CENPP: variants seen among roughly 807,000 people sequenced by gnomAD.
The protein encoded by CENPP is centromere protein P.
Under a neutral mutation model 35.6 loss-of-function variants are expected in CENPP, and 24 were observed. That is an observed-to-expected ratio of 0.67 (90% CI 0.49 to 0.95). CENPP has a LOEUF of 0.95. Ranked by LOEUF, CENPP falls within the 40% of genes least tolerant of loss-of-function variation. CENPP has a pLI of 0.00. For synonymous variants in CENPP, 120 were observed against 125.5 expected, an observed-to-expected ratio of 0.96 and a Z score of 0.29; for missense variants, 332 against 345.3, an observed-to-expected ratio of 0.96 and a Z score of 0.31.
intron 4 of CENPP, among the ~76,000 whole-genome samples, chr9:92,359,690 A>G (rs1053900195): frequency 2.0e-5 from 3 of 152,108 alleles, no homozygotes; most frequent in Admixed American, 6.6e-5. Context: ...AAGTGTGGGG[A>G]TGTGTAACTA....
chr9:92,373,177 C>T (rs1442818084), intron 4 of CENPP, among the ~76,000 whole-genome samples: 1 of 152,066 alleles, frequency 6.6e-6, no homozygotes, highest in African/African-American at 2.4e-5. Flanking sequence ...AATCCTAACA[C>T]TTTGGGAGGC....
At chr9:92,341,447 C>T (rs571078045) in intron 3 of CENPP, among the ~76,000 whole-genome samples, 9 of 152,274 alleles carry the variant, frequency 5.9e-5, no homozygotes, top group Admixed American at 2.6e-4. Context: ...ATCCTACCAA[C>T]GTGTGATGTC....
intron 5 of CENPP, among the ~76,000 whole-genome samples, chr9:92,600,088 T>G (rs1316808111): frequency 6.6e-6 from 1 of 152,178 alleles, no homozygotes; most frequent in African/African-American, 2.4e-5. Flanking sequence ...TATACCTAAG[T>G]GAGGGTGGCT....
At chr9:92,408,133 A>G (rs1165144706) in intron 5 of CENPP, among the ~76,000 whole-genome samples, 1 of 152,140 alleles carries the variant, frequency 6.6e-6, no homozygotes, top group Non-Finnish European at 1.5e-5. Flanking sequence ...TCATTCTCTA[A>G]CTTTGTAGGA....
intron 3 of CENPP, among the ~76,000 whole-genome samples, chr9:92,345,184 C>T (rs1841253885): frequency 6.6e-6 from 1 of 152,050 alleles, no homozygotes; most frequent in Non-Finnish European, 1.5e-5. Flanking sequence ...ACCCGGGAGG[C>T]GGAGTTTGCA....
rs140222864 is a variant in CENPP at position 92,428,005 on chromosome 9, A to T, written c.564+48146A>T. Among the ~76,000 whole-genome samples the T allele has an allele frequency of 6.5e-3, 986 of 152,282 alleles. 7 individuals carry two copies. The highest frequency in any genetic ancestry group is 0.011 in the Non-Finnish European group (731 of 68,008). On this transcript the variant is annotated intron_variant, in intron 5 of 7. Transcript: ENST00000375587. ...TGCCTGGAAGTAACCACCTCTCAGC[A>T]TTCTAAATGGAATCAAGTTTGTAAG...
rs184977229 is a variant in CENPP at position 92,349,357 on chromosome 9, G to T, written c.467+3570G>T. 2.7e-5 allele frequency among the ~76,000 whole-genome samples: 4 copies of T among 150,704 alleles called. No homozygotes were observed. In the East Asian group the frequency reaches 7.8e-4, roughly 29 times the overall value. On this transcript the variant is annotated intron_variant, in intron 4 of 7. Transcript: ENST00000375587. The stretch of plus-strand genomic sequence containing the variant: ...TCATTTACCCATTGAAGGATATCTG[G>T]GTTATTTTCAGTTTTTGGTGAATAT...
chr9:92,349,623 C>T (rs1411797793), intron 4 of CENPP, among the ~76,000 whole-genome samples: 5 of 151,920 alleles, frequency 3.3e-5, no homozygotes, highest in African/African-American at 9.7e-5. Context: ...AGGATGGTCT[C>T]GATCTCCTGA....
At chr9:92,595,416 T>C (rs1296928468) in intron 5 of CENPP, among the ~76,000 whole-genome samples, 2 of 151,782 alleles carry the variant, frequency 1.3e-5, no homozygotes, top group African/African-American at 4.8e-5. Flanking sequence ...TAATTTTTTA[T>C]TTTTTGTGGA....
chr9:92,534,623 G>A (rs910957654), intron 5 of CENPP, among the ~76,000 whole-genome samples: 1 of 152,114 alleles, frequency 6.6e-6, no homozygotes, highest in African/African-American at 2.4e-5. Flanking sequence ...AGCATGTAAA[G>A]AAGGACCAAA....
intron 5 of CENPP, chr9:92,390,083 A>G (rs770362006): frequency 1.5e-6 from 2 of 1,297,232 alleles, no homozygotes; most frequent in Non-Finnish European, 2.2e-6. Context: ...ATAAAAAACA[A>G]CTACGTAAGT....
chr9:92,592,155 C>A (rs1407288702), intron 5 of CENPP, among the ~76,000 whole-genome samples: 1 of 152,000 alleles, frequency 6.6e-6, no homozygotes, highest in Non-Finnish European at 1.5e-5. Flanking sequence ...AATGTATACA[C>A]TTATACATTT....
At chr9:92,551,430 C>T (rs1266553491) in intron 5 of CENPP, among the ~76,000 whole-genome samples, 3 of 152,114 alleles carry the variant, frequency 2.0e-5, no homozygotes, top group Non-Finnish European at 4.4e-5. Context: ...TTCAACCTCC[C>T]AGGCTCAAAC....
chr9:92,397,140 A>G (rs570829776), intron 5 of CENPP, among the ~76,000 whole-genome samples: 13 of 152,126 alleles, frequency 8.5e-5, no homozygotes, highest in African/African-American at 3.1e-4. Flanking sequence ...TCATGCCACT[A>G]TACTCCAGCA....
chr9:92,413,045 C>T (rs190124112), intron 5 of CENPP, among the ~76,000 whole-genome samples: 1 of 125,180 alleles, frequency 8.0e-6, no homozygotes, highest in Admixed American at 1.0e-4. Context: ...AGTGCAATGG[C>T]ATGGTCTTGG....
intron 5 of CENPP, among the ~76,000 whole-genome samples, chr9:92,392,415 A>G (rs535504817): frequency 3.3e-5 from 5 of 152,236 alleles, no homozygotes; most frequent in African/African-American, 1.2e-4. Context: ...CAAGGTCAGG[A>G]GTTCCAGACC....
intron 5 of CENPP, among the ~76,000 whole-genome samples, chr9:92,406,224 A>C (rs866694875): frequency 6.6e-6 from 1 of 152,158 alleles, no homozygotes; most frequent in African/African-American, 2.4e-5. Flanking sequence ...TTTGTTTTGC[A>C]TACTGCTGGA....
chr9:92,536,280 T>A (rs1849157780), intron 5 of CENPP, among the ~76,000 whole-genome samples: 1 of 152,184 alleles, frequency 6.6e-6, no homozygotes, highest in African/African-American at 2.4e-5. Flanking sequence ...TGAGCTTGAT[T>A]AAGAAATCTG....
At chr9:92,459,762 A>C in intron 5 of CENPP, 1 of 1,613,538 alleles carries the variant, frequency 6.2e-7, no homozygotes, top group Non-Finnish European at 8.5e-7. Context: ...GTTGTTTCCT[A>C]GGCCCAGCCT....
Sources: allele counts gnomAD v4.1 joint callset (sites outside exome capture counted in the v4.1 genomes callset), GRCh38; gene constraint gnomAD v4.1.1; transcripts MANE v1.5; gene names NCBI Gene and HGNC (gene_info 2026-07-23, HGNC 2026-07-21).